The following CCDC186 variants were observed in gnomAD, a reference collection of about 807,000 sequenced individuals.
The protein encoded by CCDC186 is coiled-coil domain-containing protein 186.
CCDC186 carries 49 observed loss-of-function variants against 113.7 expected under a neutral mutation model. That is an observed-to-expected ratio of 0.43 (90% CI 0.34 to 0.55). CCDC186 has a LOEUF of 0.55. CCDC186 is among the 20% of genes least tolerant of loss of function. The pLI is 0.02. For synonymous variants in CCDC186, 355 were observed against 345.8 expected, an observed-to-expected ratio of 1.03 and a Z score of -0.30; for missense variants, 890 against 1,011.1, an observed-to-expected ratio of 0.88 and a Z score of 1.62.
intron 3 of CCDC186, among the ~76,000 whole-genome samples, 164 bp downstream of exon 3, chr10:114,157,390 C>T (rs1170623584): frequency 6.7e-6 from 1 of 148,208 alleles, no homozygotes; most frequent in Non-Finnish European, 1.5e-5. Context: ...CAGGGTTTCA[C>T]CATGTTGCCC....
chr10:114,163,120 T>C lies in CCDC186; in HGVS notation c.149A>G (p.Asp50Gly). ...NESKLLSLNT[D>G]KTLCQPNEHN... Reference sequence around the variant, plus strand: ...CTCATTAGGTTGACATAAAGTTTTATCAGTGTTTAATGACAATAGTTTGGA... The same window carrying C: ...CTCATTAGGTTGACATAAAGTTTTACCAGTGTTTAATGACAATAGTTTGGA... Residue 50 changes from aspartate (D) to glycine (G), a missense_variant, in exon 2 of 16, where the codon GAT becomes GGT. Physicochemically the swap from Asp to Gly is moderately conservative, Grantham distance 94. Transcript: ENST00000369287. 6.2e-7 allele frequency: 1 copy of C among 1,613,920 alleles called. No homozygotes were observed. Among genetic ancestry groups the C allele is most frequent in the Non-Finnish European group, 8.5e-7 (1 of 1,179,940 alleles).
intron 13 of CCDC186, 86 bp downstream of exon 13, chr10:114,129,805 C>T: frequency 2.6e-6 from 3 of 1,165,998 alleles, no homozygotes; most frequent in Non-Finnish European, 2.5e-6. Context: ...GCTGGGATTA[C>T]AGGTGTGAGC....
intron 1 of CCDC186, 135 bp from the exon 2 acceptor site, chr10:114,163,464 A>G: frequency 1.4e-6 from 1 of 730,896 alleles, no homozygotes; most frequent in Non-Finnish European, 2.1e-6. Flanking sequence ...CCTGTCCTTG[A>G]GAAAAAAGAA....
In CCDC186 at chr10:114,127,868, A is replaced by G. The variant is rs79138070; in HGVS notation, c.2183-197T>C. The stretch of plus-strand genomic sequence containing the variant: ...GAAGTACCAACAGGGTCTATACTGT[A>G]TCTCTCAGGAAGTGGTAATAGAGCA... On this transcript the variant is annotated intron_variant, in intron 13 of 15. Coordinates refer to ENST00000369287, the MANE Select transcript of CCDC186 (RefSeq NM_018017.4). Among the ~76,000 whole-genome samples the G allele has an allele frequency of 8.5e-3, 1,288 of 152,312 alleles. 20 individuals are homozygous for G. Among genetic ancestry groups the G allele is most frequent in the African/African-American group, 0.029 (1,201 of 41,556 alleles).
chr10:114,131,905 A>T (rs756231791), intron 11 of CCDC186, 24 bp downstream of exon 11: 2 of 1,568,228 alleles, frequency 1.3e-6, no homozygotes, highest in South Asian at 2.3e-5. Flanking sequence ...CGTTGTTTTA[A>T]AAAAAATGTA....
Position 114,135,951 on chromosome 10 carries a change from T to C in CCDC186, c.1452A>G (p.Leu484=), listed in dbSNP as rs1462536333. ...LEMHHAKIKE[L]EDLKRTFKEG... ...CCTTAAATGTTCTCTTCAGATCTTCTAGTTCCTTTATTTTGGCATGATGCA... is the reference window on the plus strand; with the variant it reads ...CCTTAAATGTTCTCTTCAGATCTTCCAGTTCCTTTATTTTGGCATGATGCA... The change falls in exon 9 of 16, where the codon CTA becomes CTG. Residue 484 remains leucine, a synonymous_variant. Coordinates refer to ENST00000369287, the MANE Select transcript of CCDC186 (RefSeq NM_018017.4). 3.1e-6 allele frequency: 5 copies of C among 1,613,080 alleles called. No individual in the cohort carries two copies. The highest frequency in any genetic ancestry group is 4.5e-5 in the East Asian group (2 of 44,774).
intron 6 of CCDC186, among the ~76,000 whole-genome samples, chr10:114,141,649 GCACA>G (rs1238989348): frequency 5.9e-5 from 9 of 151,596 alleles, no homozygotes; most frequent in African/African-American, 2.2e-4. Flanking sequence ...ACACACGCAC[GCACA>G]CACATACACG....
chr10:114,150,444 A>G (rs1424283612), intron 4 of CCDC186, among the ~76,000 whole-genome samples: 1 of 152,222 alleles, frequency 6.6e-6, no homozygotes, highest in African/African-American at 2.4e-5. Flanking sequence ...GTATATGACC[A>G]TGTACAAATA....
rs1361963132 is a variant in CCDC186 at position 114,134,911 on chromosome 10, A to G, written c.1655+2T>C. 1 of 1,603,834 alleles carries G rather than the reference A, an allele frequency of 6.2e-7. No homozygotes were observed. The highest frequency in any genetic ancestry group is 1.7e-5 in the Admixed American group (1 of 57,890). The stretch of plus-strand genomic sequence containing the variant: ...TACAAACAGAAGTTGCTCATTTTGT[A>G]CCTTTGAAGCTGCTCCTGTAGCTGA... On this transcript the variant is annotated splice_donor_variant, in intron 10 of 15. Coordinates refer to ENST00000369287, the MANE Select transcript of CCDC186 (RefSeq NM_018017.4). LOFTEE classifies it high-confidence loss of function.
chr10:114,165,257 C>T (rs759054145), intron 1 of CCDC186, among the ~76,000 whole-genome samples: 2 of 152,210 alleles, frequency 1.3e-5, no homozygotes, highest in African/African-American at 2.4e-5. Context: ...GTATTAAAGG[C>T]TTGGTTTAGA....
At chr10:114,170,883 C>A (rs2032475968) in intron 1 of CCDC186, among the ~76,000 whole-genome samples, 1 of 151,950 alleles carries the variant, frequency 6.6e-6, no homozygotes, top group African/African-American at 2.4e-5. Context: ...CCACCAACTC[C>A]CAAATAGTAC....
intron 2 of CCDC186, among the ~76,000 whole-genome samples, chr10:114,159,889 G>A (rs2032121287): frequency 6.6e-6 from 1 of 152,060 alleles, no homozygotes; most frequent in South Asian, 2.1e-4. Flanking sequence ...TTGAGCACAG[G>A]AGGTTGACGC....
intron 1 of CCDC186, among the ~76,000 whole-genome samples, chr10:114,168,694 TA>T (rs1395560733): frequency 3.3e-5 from 5 of 152,116 alleles, no homozygotes; most frequent in Admixed American, 2.6e-4. Context: ...AAATTATCCT[TA>T]AAAAACCCTA....
chr10:114,157,711 C>A, intron 2 of CCDC186, 31 bp from the exon 3 acceptor site: 1 of 1,503,410 alleles, frequency 6.7e-7, no homozygotes, highest in Non-Finnish European at 9.0e-7. Context: ...GTATGTAAAA[C>A]ATAATTTAAA....
chr10:114,161,078 G>A (rs778109579), intron 2 of CCDC186, among the ~76,000 whole-genome samples: 17 of 152,088 alleles, frequency 1.1e-4, no homozygotes, highest in Non-Finnish European at 2.4e-4. Context: ...CCACTCACCC[G>A]TGCTGTCACT....
In CCDC186 at chr10:114,144,564, A is replaced by C. The variant is rs758164785; in HGVS notation, c.1154T>G (p.Ile385Ser). Reference protein sequence around the residue: ...IREIDKLKEDINSHVIKVKWA... With the variant: ...IREIDKLKEDSNSHVIKVKWA... ...CTTTACTTTGATGACGTGAGAGTTA[A>C]TGTCTTCCTTTAATTTGTCTATTTC... Residue 385 changes from isoleucine (I) to serine (S), a missense_variant, in exon 6 of 16, where the codon ATT (isoleucine) becomes AGT (serine). Ile to Ser is a moderately radical substitution (Grantham distance 142). Transcript: ENST00000369287. The C allele has an allele frequency of 9.3e-6, 15 of 1,613,068 alleles. No individual in the cohort carries two copies. The highest frequency in any genetic ancestry group is 1.2e-5 in the Non-Finnish European group (14 of 1,179,350).
intron 2 of CCDC186, among the ~76,000 whole-genome samples, chr10:114,159,774 G>T (rs1198502438): frequency 6.6e-6 from 1 of 151,736 alleles, no homozygotes; most frequent in Non-Finnish European, 1.5e-5. Flanking sequence ...GGGCAACATC[G>T]TGAAACCCCA....
Position 114,151,084 on chromosome 10 carries a change from A to C in CCDC186, c.888+8T>G, listed in dbSNP as rs2031843225. The C allele has an allele frequency of 6.2e-7, 1 of 1,607,292 alleles. No individual in the cohort carries two copies. The highest frequency in any genetic ancestry group is 1.3e-5 in the African/African-American group (1 of 74,482). On this transcript the variant is annotated splice_region_variant and intron_variant, in intron 4 of 15. Coordinates refer to ENST00000369287, the MANE Select transcript of CCDC186 (RefSeq NM_018017.4). ...TCAAGTTAATAATGACAACGATGTG[A>C]GAAATACCTGTTCCATCCGTTGGGC...
chr10:114,127,814 G>A (rs1156836532), intron 13 of CCDC186, 143 bp from the exon 14 acceptor site: 1 of 754,512 alleles, frequency 1.3e-6, no homozygotes, highest in Non-Finnish European at 2.1e-6. Context: ...ACGTGGCTGA[G>A]GTTCTGGTTT....
Sources: allele counts gnomAD v4.1 joint callset (sites outside exome capture counted in the v4.1 genomes callset), GRCh38; gene constraint gnomAD v4.1.1; transcripts MANE v1.5; gene names NCBI Gene and HGNC (gene_info 2026-07-23, HGNC 2026-07-21).